Variants in COBLL1 observed in about 807,000 individuals in gnomAD.
COBLL1 encodes the protein cordon-bleu protein-like 1.
In COBLL1, 50 loss-of-function variants were observed where a neutral mutation model predicts 94.8. That is an observed-to-expected ratio of 0.53 (90% CI 0.42 to 0.67). The LOEUF (loss-of-function observed/expected upper bound fraction) is 0.67, where lower values mean the gene tolerates loss of function less well. Among genes scored for constraint, COBLL1 ranks in the 30% least tolerant of loss-of-function variants. The pLI is 0.00. For missense variants in COBLL1, 1,362 were observed against 1,348.7 expected, an observed-to-expected ratio of 1.01 and a Z score of -0.15; for synonymous variants, 448 against 473.8, an observed-to-expected ratio of 0.95 and a Z score of 0.71.
At chr2:164,836,532 C>T (rs1348539789) in intron 2 of COBLL1, among the ~76,000 whole-genome samples, 1 of 152,154 alleles carries the variant, frequency 6.6e-6, no homozygotes, top group Non-Finnish European at 1.5e-5. Context: ...TAATACTCTT[C>T]CATTCCTTAG....
rs530971508 is a variant in COBLL1, at chr2:164,837,241, A to AT, written c.41+3914dup. The stretch of plus-strand genomic sequence containing the variant: ...GCTTTTGACATTTAAATTTCGAAGG[A>AT]TTTTTTTTTTTAAAGCATATCTGGG... On this transcript the variant is annotated intron_variant, in intron 2 of 13. Transcript: ENST00000652658. 3.5e-3 allele frequency among the ~76,000 whole-genome samples: 528 copies of AT among 148,854 alleles called. 6 individuals are homozygous for AT. Among genetic ancestry groups the AT allele is most frequent in the African/African-American group, 0.011 (454 of 40,752 alleles).
chr2:164,804,762 T>C (rs545370143), intron 2 of COBLL1, among the ~76,000 whole-genome samples: 1 of 152,316 alleles, frequency 6.6e-6, no homozygotes, highest in Admixed American at 6.5e-5. Context: ...CTGGTTTACG[T>C]AACCTGCATT....
intron 2 of COBLL1, among the ~76,000 whole-genome samples, chr2:164,797,534 G>A (rs1183959630): frequency 6.6e-6 from 1 of 152,066 alleles, no homozygotes; most frequent in Non-Finnish European, 1.5e-5. Context: ...TAATGAAAGA[G>A]CTTAGATTCA....
At chr2:164,802,682 G>A (rs1683872386) in intron 2 of COBLL1, among the ~76,000 whole-genome samples, 1 of 152,176 alleles carries the variant, frequency 6.6e-6, no homozygotes, top group South Asian at 2.1e-4. Context: ...TTAAAAGTCT[G>A]AGATAGTTTA....
intron 2 of COBLL1, among the ~76,000 whole-genome samples, chr2:164,809,877 C>T (rs902941645): frequency 2.0e-4 from 31 of 151,296 alleles, no homozygotes; most frequent in Non-Finnish European, 2.8e-4. Flanking sequence ...ATATAAAGAA[C>T]CACACAATTC....
intron 2 of COBLL1, among the ~76,000 whole-genome samples, chr2:164,755,253 C>T (rs1687339365): frequency 6.6e-6 from 1 of 152,172 alleles, no homozygotes; most frequent in African/African-American, 2.4e-5. Context: ...AGAGTAAAGA[C>T]GTAGCCAAGT....
At chr2:164,704,558 A>G in intron 8 of COBLL1, 40 bp from the exon 9 acceptor site, 1 of 1,439,668 alleles carries the variant, frequency 6.9e-7, no homozygotes, top group Non-Finnish European at 9.8e-7. Flanking sequence ...AGTCATATTC[A>G]CAAATAAAAC....
intron 2 of COBLL1, among the ~76,000 whole-genome samples, chr2:164,783,796 A>G (rs1029754294): frequency 1.3e-5 from 2 of 151,930 alleles, no homozygotes; most frequent in East Asian, 1.9e-4. Context: ...GCGAGATCCA[A>G]TCACGACAAA....
At chr2:164,779,073 C>T (rs1226228679) in intron 2 of COBLL1, among the ~76,000 whole-genome samples, 4 of 151,870 alleles carry the variant, frequency 2.6e-5, no homozygotes, top group Non-Finnish European at 4.4e-5. Flanking sequence ...CTTTAAGTTT[C>T]GCAGTCTCCA....
chr2:164,668,633 T>A (rs1691202031), intron 1 of COBLL1, among the ~76,000 whole-genome samples: 1 of 152,228 alleles, frequency 6.6e-6, no homozygotes, highest in African/African-American at 2.4e-5. Context: ...AAAAATCCAA[T>A]GTTCGTGAAG....
At chr2:164,739,485 T>A (rs138541322) in intron 3 of COBLL1, among the ~76,000 whole-genome samples, 40 of 152,352 alleles carry the variant, frequency 2.6e-4, no homozygotes, top group Non-Finnish European at 4.3e-4. Flanking sequence ...CTGAGGCATA[T>A]AAGTTTCTGA....
chr2:164,706,054 C>T (rs552139456), intron 7 of COBLL1, among the ~76,000 whole-genome samples: 1 of 152,148 alleles, frequency 6.6e-6, no homozygotes, highest in South Asian at 2.1e-4. Flanking sequence ...AATAAATAAA[C>T]AAAAGAGTTG....
chr2:164,795,343 CT>C (rs1268015596), intron 2 of COBLL1, among the ~76,000 whole-genome samples: 1 of 152,048 alleles, frequency 6.6e-6, no homozygotes, highest in Non-Finnish European at 1.5e-5. Flanking sequence ...TACCTTTTTA[CT>C]TTTGATAAAA....
intron 2 of COBLL1, among the ~76,000 whole-genome samples, chr2:164,747,028 C>A (rs1182404214): frequency 6.6e-6 from 1 of 152,088 alleles, no homozygotes; most frequent in Non-Finnish European, 1.5e-5. Flanking sequence ...ATCTCTGGGA[C>A]CATGCCTGCC....
chr2:164,760,869 T>C (rs1574537948), intron 2 of COBLL1, among the ~76,000 whole-genome samples: 2 of 152,188 alleles, frequency 1.3e-5, no homozygotes, highest in East Asian at 3.9e-4. Context: ...AGTAAACCTG[T>C]ATACAGGGTC....
At chr2:164,676,715 G>C (rs1691344770), downstream of COBLL1, among the ~76,000 whole-genome samples, 1 of 149,948 alleles carries the variant, frequency 6.7e-6, no homozygotes, top group Non-Finnish European at 1.5e-5. Flanking sequence ...CACGAGTCTA[G>C]AGCCAGAATC....
chr2:164,677,322 A>G (rs1359548294), downstream of COBLL1, among the ~76,000 whole-genome samples: 1 of 152,092 alleles, frequency 6.6e-6, no homozygotes, highest in Non-Finnish European at 1.5e-5. Context: ...CTTCTGGAAA[A>G]TGTACCTACT....
At chr2:164,775,943 C>G (rs1377053775) in intron 2 of COBLL1, among the ~76,000 whole-genome samples, 1 of 152,120 alleles carries the variant, frequency 6.6e-6, no homozygotes. Flanking sequence ...CCCCTCCTCC[C>G]TTAGTTTCCC....
At chr2:164,791,536 A>C (rs796998550) in intron 2 of COBLL1, among the ~76,000 whole-genome samples, 16 of 152,254 alleles carry the variant, frequency 1.1e-4, no homozygotes, top group African/African-American at 3.9e-4. Flanking sequence ...ACATACATAC[A>C]TTTGTTTTAA....
Sources: gnomAD v4.1 joint callset for allele counts (sites outside exome capture counted in the v4.1 genomes callset) on GRCh38, gnomAD v4.1.1 for gene constraint, MANE v1.5 for transcripts, NCBI Gene and HGNC (gene_info 2026-07-23, HGNC 2026-07-21) for gene names.